Variants in AGBL1 observed in about 807,000 individuals in gnomAD.
AGBL1 encodes AGBL carboxypeptidase 1, also known as cytosolic carboxypeptidase 4.
In AGBL1, 130 loss-of-function variants were observed where a neutral mutation model predicts 118.9. The observed-to-expected ratio is 1.09, with a 90% CI of 0.95 to 1.26. AGBL1 has a LOEUF of 1.26. AGBL1 is among the 50% of genes most tolerant of loss of function. The pLI is 0.00. For synonymous variants in AGBL1, 555 were observed against 478.9 expected, an observed-to-expected ratio of 1.16 and a Z score of -2.08; for missense variants, 1,584 against 1,298.1, an observed-to-expected ratio of 1.22 and a Z score of -3.38.
intron 5 of AGBL1, among the ~76,000 whole-genome samples, chr15:86,174,382 G>A (rs749329225): frequency 1.6e-4 from 24 of 152,004 alleles, no homozygotes; most frequent in African/African-American, 4.6e-4. Context: ...ATAAGATCAC[G>A]TTATATAAAA....
At chr15:86,370,263 C>T (rs1399488020) in intron 17 of AGBL1, among the ~76,000 whole-genome samples, 1 of 151,148 alleles carries the variant, frequency 6.6e-6, no homozygotes, top group Non-Finnish European at 1.5e-5. Flanking sequence ...TTTACATCTG[C>T]AGCTACCTAG....
intron 18 of AGBL1, among the ~76,000 whole-genome samples, chr15:86,519,724 C>T (rs1380569461): frequency 6.6e-6 from 1 of 152,166 alleles, no homozygotes; most frequent in Non-Finnish European, 1.5e-5. Context: ...CTTCCCAAAT[C>T]CACACAACCT....
intron 22 of AGBL1, among the ~76,000 whole-genome samples, chr15:86,882,498 G>T (rs1323151397): frequency 6.6e-6 from 1 of 152,098 alleles, no homozygotes; most frequent in Non-Finnish European, 1.5e-5. Flanking sequence ...TTTGAGTTGA[G>T]TGACCTTAGA....
At chr15:86,371,785 G>A (rs904286894) in intron 17 of AGBL1, among the ~76,000 whole-genome samples, 1 of 152,174 alleles carries the variant, frequency 6.6e-6, no homozygotes, top group Non-Finnish European at 1.5e-5. Flanking sequence ...TGAGGGGAAA[G>A]GCTAAGGCAA....
At chr15:86,345,870 AAG>A (rs934089852) in intron 17 of AGBL1, among the ~76,000 whole-genome samples, 1 of 152,140 alleles carries the variant, frequency 6.6e-6, no homozygotes, top group Non-Finnish European at 1.5e-5. Context: ...TAATAGGTTG[AAG>A]AGAGAGAGTT....
At chr15:86,458,759 G>T (rs144172815) in intron 18 of AGBL1, among the ~76,000 whole-genome samples, 1,626 of 152,258 alleles carry the variant, frequency 0.011, 35 homozygotes, top group African/African-American at 0.038. Flanking sequence ...GTTGCAGAGG[G>T]GTTACCCTAG....
chr15:86,286,735 G>GTGTGTGTATATATATATATA, intron 16 of AGBL1, among the ~76,000 whole-genome samples: 7 of 106,288 alleles, frequency 6.6e-5, no homozygotes, highest in African/African-American at 2.3e-4. Context: ...GTTTGTGTGT[G>GTGTGTGTATATATATATATA]TATATATATA....
rs577025476 is a variant in AGBL1 at position 86,443,996 on chromosome 15, T to C, written c.2555+46450T>C. On this transcript the variant is annotated intron_variant, in intron 18 of 22. Transcript: ENST00000614907. ...GTAGTAGGATTGCTGGATCATATGA[T>C]AGATTTGTTTTTAGTTTATGGCGGA... is the stretch of plus-strand genomic sequence containing the variant. 5.3e-5 allele frequency among the ~76,000 whole-genome samples: 8 copies of C among 152,330 alleles called. No homozygotes were observed. In the Middle Eastern group the frequency reaches 0.01, roughly 194 times the overall value.
intron 21 of AGBL1, among the ~76,000 whole-genome samples, chr15:86,666,519 T>G (rs2085647978): frequency 6.6e-6 from 1 of 152,158 alleles, no homozygotes; most frequent in Non-Finnish European, 1.5e-5. Flanking sequence ...ACTCATTTTT[T>G]CTTATCTTAT....
chr15:86,923,030 C>T (rs2080495918), intron 23 of AGBL1, among the ~76,000 whole-genome samples: 2 of 152,170 alleles, frequency 1.3e-5, no homozygotes, highest in Admixed American at 1.3e-4. Context: ...ACCCAGGGCA[C>T]TGCAGCAAGA....
chr15:86,218,495 T>G (rs1199757466), intron 5 of AGBL1, among the ~76,000 whole-genome samples: 2 of 152,218 alleles, frequency 1.3e-5, no homozygotes, highest in Non-Finnish European at 2.9e-5. Context: ...CTTTATGTTA[T>G]TTCCTGCCTT....
chr15:86,248,633 G>T (rs2078759256), intron 7 of AGBL1, among the ~76,000 whole-genome samples: 1 of 152,182 alleles, frequency 6.6e-6, no homozygotes, highest in African/African-American at 2.4e-5. Context: ...TGCCATGACT[G>T]AACTGCGTTG....
At chr15:86,806,752 ATTAT>A (rs2078719011) in intron 22 of AGBL1, among the ~76,000 whole-genome samples, 1 of 149,872 alleles carries the variant, frequency 6.7e-6, no homozygotes, top group Non-Finnish European at 1.5e-5. Flanking sequence ...AGTTCTCATT[ATTAT>A]TTTATATTAA....
At position 86,279,864 on chromosome 15, in the gene AGBL1, G is replaced by A. The variant is rs1471798252; in HGVS notation, c.2220+81G>A. The A allele has an allele frequency of 1.8e-5, 28 of 1,529,318 alleles. No homozygotes were observed. The South Asian group carries it at 3.2e-4, about 17-fold the overall frequency. 94.7% of individuals were successfully genotyped at this position (1,529,318 alleles called of 1,614,324 possible). A position where few individuals can be genotyped will look rare whatever the true frequency, so the allele number is the denominator to read the frequency against. On this transcript the variant is annotated intron_variant, in intron 16 of 22. Coordinates refer to ENST00000614907, the MANE Select transcript of AGBL1 (RefSeq NM_001386094.1). ...TTCCTGGGAACATTTTGGAGACCCT[G>A]ACATCCTGATGGGGTGCAGAGGGGA...
At chr15:86,397,875 C>G (rs2081391721) in intron 18 of AGBL1, among the ~76,000 whole-genome samples, 1 of 152,062 alleles carries the variant, frequency 6.6e-6, no homozygotes, top group Non-Finnish European at 1.5e-5. Context: ...CAATTAATAG[C>G]AGAGGAAGAA....
rs759191613 is a variant in AGBL1, at chr15:86,397,371, C to G, written c.2380C>G (p.Arg794Gly). The G allele has an allele frequency of 6.4e-7, 1 of 1,553,520 alleles. No individual in the cohort carries two copies. ...TTATGTCCCTTTTTCTGCAGGACAT[C>G]GTCCATATCAGGTGATCACTGCTCG... ...SDEHLEQFRH[R>G]PYQVITARVH... The change falls in exon 18 of 23, where the codon CGT becomes GGT. Residue 794 changes from arginine (R) to glycine (G), a missense_variant. Arg to Gly is a moderately radical substitution (Grantham distance 125). Transcript: ENST00000614907.
chr15:86,488,779 C>A (rs1196301428), intron 18 of AGBL1, among the ~76,000 whole-genome samples: 1 of 152,062 alleles, frequency 6.6e-6, no homozygotes, highest in Non-Finnish European at 1.5e-5. Flanking sequence ...GGGAAATGTT[C>A]ATCTTCCTTG....
chr15:86,535,784 T>TG (rs1335017251), intron 19 of AGBL1, among the ~76,000 whole-genome samples: 2 of 152,162 alleles, frequency 1.3e-5, no homozygotes, highest in East Asian at 3.9e-4. Flanking sequence ...CAAAAGGAGA[T>TG]GAAAAAAAGG....
chr15:86,896,750 C>A (rs528403159), intron 22 of AGBL1, among the ~76,000 whole-genome samples: 1 of 152,116 alleles, frequency 6.6e-6, no homozygotes, highest in Non-Finnish European at 1.5e-5. Context: ...CATCACCTTT[C>A]CATTGACAAG....
Sources: gnomAD v4.1 joint callset for allele counts (sites outside exome capture counted in the v4.1 genomes callset) on GRCh38, gnomAD v4.1.1 for gene constraint, MANE v1.5 for transcripts, NCBI Gene and HGNC (gene_info 2026-07-23, HGNC 2026-07-21) for gene names.